The following CNBD1 variants were observed in gnomAD, a reference collection of about 807,000 sequenced individuals.
The protein encoded by CNBD1 is cyclic nucleotide binding domain containing 1.
CNBD1 carries 71 observed loss-of-function variants against 54.4 expected under a neutral mutation model. That is an observed-to-expected ratio of 1.30 (90% CI 1.08 to 1.59). CNBD1 has a LOEUF of 1.59. Ranked by LOEUF, CNBD1 falls within the 40% of genes most tolerant of loss-of-function variation. CNBD1 has a pLI of 0.00. For missense variants in CNBD1, 659 were observed against 518.0 expected, an observed-to-expected ratio of 1.27 and a Z score of -2.64; for synonymous variants, 182 against 170.7, an observed-to-expected ratio of 1.07 and a Z score of -0.51.
intron 6 of CNBD1, among the ~76,000 whole-genome samples, chr8:87,247,804 T>A (rs1807837066): frequency 6.6e-6 from 1 of 152,194 alleles, no homozygotes; most frequent in African/African-American, 2.4e-5. Flanking sequence ...GTTGATACTT[T>A]TAATCACATC....
At chr8:86,954,299 G>A (rs1807702912) in intron 4 of CNBD1, among the ~76,000 whole-genome samples, 1 of 152,146 alleles carries the variant, frequency 6.6e-6, no homozygotes, top group Non-Finnish European at 1.5e-5. Context: ...GTTTGACCAT[G>A]AGCTGAGATT....
intron 6 of CNBD1, among the ~76,000 whole-genome samples, chr8:87,239,352 C>G (rs1211307349): frequency 6.6e-6 from 1 of 152,108 alleles, no homozygotes; most frequent in African/African-American, 2.4e-5. Flanking sequence ...ACATGCTGCT[C>G]TTTCCCTATT....
At chr8:87,168,182 C>T (rs1376787974) in intron 4 of CNBD1, among the ~76,000 whole-genome samples, 1 of 152,030 alleles carries the variant, frequency 6.6e-6, no homozygotes, top group East Asian at 1.9e-4. Context: ...TGGATCCACA[C>T]TGGCATTGCT....
intron 4 of CNBD1, among the ~76,000 whole-genome samples, chr8:87,047,369 TC>T: frequency 6.6e-6 from 1 of 152,136 alleles, no homozygotes; most frequent in East Asian, 1.9e-4. Context: ...GAGTTAAGGA[TC>T]ATCAAGAAGC....
chr8:87,078,095 T>A (rs2130661228), intron 4 of CNBD1, among the ~76,000 whole-genome samples: 1 of 152,230 alleles, frequency 6.6e-6, no homozygotes, highest in East Asian at 1.9e-4. Flanking sequence ...AACACAAACC[T>A]TCAGTCTATT....
chr8:87,033,399 C>T (rs183291701), intron 4 of CNBD1, among the ~76,000 whole-genome samples: 5 of 152,180 alleles, frequency 3.3e-5, no homozygotes, highest in African/African-American at 1.2e-4. Context: ...CAATTTCTTA[C>T]TGACAAGGTA....
At chr8:87,400,864 A>G (rs1807552091) in intron 2 of CNBD1, among the ~76,000 whole-genome samples, 2 of 152,022 alleles carry the variant, frequency 1.3e-5, no homozygotes, top group South Asian at 4.1e-4. Flanking sequence ...TTAAAGAATA[A>G]TCATGCTTTG....
chr8:87,236,631 T>C (rs78391394), intron 5 of CNBD1, among the ~76,000 whole-genome samples: 7,350 of 152,182 alleles, frequency 0.048, 243 homozygotes, highest in Non-Finnish European at 0.072. Flanking sequence ...AATCTATTAA[T>C]AATTATATGT....
chr8:87,115,058 A>C (rs942099609), intron 4 of CNBD1, among the ~76,000 whole-genome samples: 1 of 152,180 alleles, frequency 6.6e-6, no homozygotes, highest in South Asian at 2.1e-4. Flanking sequence ...CTTTTGGAGA[A>C]TATTGGACCT....
chr8:86,871,530 AT>A (rs1224234591), intron 1 of CNBD1, among the ~76,000 whole-genome samples: 4 of 152,236 alleles, frequency 2.6e-5, no homozygotes, highest in Non-Finnish European at 4.4e-5. Context: ...ACAATCTGGC[AT>A]TTAAATCTTT....
At chr8:87,012,578 A>G (rs899427001) in intron 4 of CNBD1, among the ~76,000 whole-genome samples, 2 of 152,174 alleles carry the variant, frequency 1.3e-5, no homozygotes, top group African/African-American at 4.8e-5. Flanking sequence ...GATCCAGGAA[A>G]TAATCAACTA....
At chr8:87,365,793 A>G (rs1810630399) in intron 10 of CNBD1, among the ~76,000 whole-genome samples, 1 of 152,050 alleles carries the variant, frequency 6.6e-6, no homozygotes, top group Non-Finnish European at 1.5e-5. Flanking sequence ...ATCAGAAGCA[A>G]TTATTAGATT....
chr8:87,361,892 TTAAA>T (rs1810531244), intron 10 of CNBD1, among the ~76,000 whole-genome samples: 1 of 151,948 alleles, frequency 6.6e-6, no homozygotes, highest in African/African-American at 2.4e-5. Flanking sequence ...AGAACTTTCT[TTAAA>T]TGAATCAGTT....
chr8:87,058,802 C>CT (rs1810480167), intron 4 of CNBD1, among the ~76,000 whole-genome samples: 1 of 152,200 alleles, frequency 6.6e-6, no homozygotes, highest in African/African-American at 2.4e-5. Flanking sequence ...GGGAAGGTCT[C>CT]TGACATGCCC....
At chr8:86,927,113 T>C (rs1420752765) in intron 3 of CNBD1, among the ~76,000 whole-genome samples, 1 of 151,876 alleles carries the variant, frequency 6.6e-6, no homozygotes, top group African/African-American at 2.4e-5. Context: ...GTTAAAGAGG[T>C]GTGTGAGTTT....
chr8:87,220,605 TTACCTC>T (rs1814311765), intron 5 of CNBD1, among the ~76,000 whole-genome samples: 1 of 151,676 alleles, frequency 6.6e-6, no homozygotes, highest in African/African-American at 2.4e-5. Context: ...TTTTTAGACC[TTACCTC>T]AGCTCAACAT....
intron 10 of CNBD1, among the ~76,000 whole-genome samples, chr8:87,357,507 G>T (rs1810443425): frequency 6.6e-6 from 1 of 152,090 alleles, no homozygotes; most frequent in Admixed American, 6.6e-5. Flanking sequence ...TGCTCTTCTG[G>T]GTTTCAGACA....
chr8:87,368,149 G>A (rs536607477), intron 10 of CNBD1, among the ~76,000 whole-genome samples: 25 of 133,118 alleles, frequency 1.9e-4, no homozygotes, highest in African/African-American at 8.5e-5. Flanking sequence ...GTGACAGAGC[G>A]AGATTCCATC....
chr8:87,374,164 G>T (rs777871881), intron 10 of CNBD1, among the ~76,000 whole-genome samples: 2 of 151,714 alleles, frequency 1.3e-5, no homozygotes, highest in Non-Finnish European at 2.9e-5. Context: ...GTATATGACA[G>T]CTCTTTCCAA....
Sources: gnomAD v4.1 joint callset for allele counts (sites outside exome capture counted in the v4.1 genomes callset) on GRCh38, gnomAD v4.1.1 for gene constraint, MANE v1.5 for transcripts, NCBI Gene and HGNC (gene_info 2026-07-23, HGNC 2026-07-21) for gene names.